The following UGT1A1 variants were observed in gnomAD, a reference collection of about 807,000 sequenced individuals.
UGT1A1 encodes the protein UDP glucuronosyltransferase family 1 member A1, also known as UDP-glucuronosyltransferase 1A1.
Under a neutral mutation model 40.6 loss-of-function variants are expected in UGT1A1, and 33 were observed. That is an observed-to-expected ratio of 0.81 (90% CI 0.62 to 1.09). UGT1A1 has a LOEUF of 1.09. UGT1A1 is among the 50% of genes least tolerant of loss of function. The pLI is 0.00. For missense variants in UGT1A1, 694 were observed against 671.2 expected, an observed-to-expected ratio of 1.03 and a Z score of -0.38; for synonymous variants, 249 against 265.0, an observed-to-expected ratio of 0.94 and a Z score of 0.59.
At chr2:233,767,621 CT>C (rs1156408939) in intron 2 of UGT1A1, among the ~76,000 whole-genome samples, 1 of 152,158 alleles carries the variant, frequency 6.6e-6, no homozygotes, top group Non-Finnish European at 1.5e-5. Context: ...AAGTGCACAG[CT>C]TGATAAATTA....
In UGT1A1 at chr2:233,772,897, C is replaced by T. The variant is rs1320013324; in HGVS notation, c.*338C>T. 6.1e-6 allele frequency: 3 copies of T among 493,984 alleles called. No homozygotes were observed. Among genetic ancestry groups the T allele is most frequent in the Non-Finnish European group, 9.8e-6 (3 of 304,676 alleles). The allele number at this position is 493,984 out of a possible 1,614,324, so 30.6% of individuals were successfully genotyped here. A position where few individuals can be genotyped will look rare whatever the true frequency, so the allele number is the denominator to read the frequency against. ...AGTGCGGGATTCAAAGGTGGTCCCA[C>T]GGCTGCCCCTACTGCAAATGGCAGT... On this transcript the variant is annotated 3_prime_UTR_variant, in exon 5 of 5. Coordinates refer to ENST00000305208, the MANE Select transcript of UGT1A1 (RefSeq NM_000463.3).
At chr2:233,761,180 C>T (rs374898247) in intron 1 of UGT1A1, 29 bp downstream of exon 1, 24 of 1,614,008 alleles carry the variant, frequency 1.5e-5, no homozygotes, top group Non-Finnish European at 1.8e-5. Flanking sequence ...CTTTTACATG[C>T]GTATATTCTT....
rs1697490823 is a variant in UGT1A1, at chr2:233,760,572, C to T, written c.285C>T (p.Leu95=). 7.4e-6 allele frequency: 12 copies of T among 1,614,062 alleles called. No individual in the cohort carries two copies. Among genetic ancestry groups the T allele is most frequent in the East Asian group, 2.2e-5 (1 of 44,900 alleles). The change falls in exon 1 of 5, where the codon CTC becomes CTT. Residue 95 remains leucine (L), a synonymous_variant. Transcript: ENST00000305208. ...REDVKESFVS[L]GHNVFENDSF... ...ATGTGAAAGAGTCTTTTGTTAGTCT[C>T]GGGCATAATGTTTTTGAGAATGATT... is the stretch of plus-strand genomic sequence containing the variant.
intron 2 of UGT1A1, 122 bp from the exon 3 acceptor site, chr2:233,767,727 T>A (rs28946890): frequency 6.4e-7 from 1 of 1,556,204 alleles, no homozygotes; most frequent in Non-Finnish European, 8.7e-7. Flanking sequence ...CAGTTACTGA[T>A]CCTCCCACTC....
In UGT1A1 at chr2:233,766,921, C is replaced by T. The variant is rs6708136; in HGVS notation, c.865-113C>T. 45,255 of 1,558,610 alleles carry T rather than the reference C, an allele frequency of 0.029. 712 individuals are homozygous for T. The highest frequency in any genetic ancestry group is 0.049 in the African/African-American group (3,601 of 72,856). Reference sequence around the variant, plus strand: ...ATAATTTTTTACTCTATCTCAAACACGCATGCCTTTAATCATAGTCTTAAG... The same window carrying T: ...ATAATTTTTTACTCTATCTCAAACATGCATGCCTTTAATCATAGTCTTAAG... On this transcript the variant is annotated intron_variant, in intron 1 of 4. Coordinates refer to ENST00000305208, the MANE Select transcript of UGT1A1 (RefSeq NM_000463.3).
In UGT1A1 at chr2:233,769,856, TCA is replaced by T; in HGVS notation, c.1304+1418_1304+1419del. 4.3e-5 allele frequency: 14 copies of T among 322,422 alleles called. No individual in the cohort carries two copies. Among genetic ancestry groups the T allele is most frequent in the Admixed American group, 5.6e-5 (1 of 17,838 alleles). The allele number at this position is 322,422 out of a possible 1,614,324, so 20.0% of individuals were successfully genotyped here. A position where few individuals can be genotyped will look rare whatever the true frequency, so the allele number is the denominator to read the frequency against. ...CTGGGCAACAGAGTGAGACCCTGTC[TCA>T]AAAAAAAAAAAAAAAATGAAAAGTC... On this transcript the variant is annotated intron_variant, in intron 4 of 4. Transcript: ENST00000305208. The surrounding 1 kb of genome is among the most constrained non-coding windows in gnomAD (Gnocchi z 4.4).
rs375082638 is a variant in UGT1A1 at position 233,764,736 on chromosome 2, G to A, written c.865-2298G>A. Among the ~76,000 whole-genome samples the A allele has an allele frequency of 2.0e-5, 3 of 152,156 alleles. 1 individual carries two copies. The East Asian group carries it at 5.8e-4, about 29-fold the overall frequency. On this transcript the variant is annotated intron_variant, in intron 1 of 4. Coordinates refer to ENST00000305208, the MANE Select transcript of UGT1A1 (RefSeq NM_000463.3). ...CCCAAGAAAGAGGGAGAGAAAGAGGGGAGAGATGTGGTGCAGACCCTAGGG... is the reference window on the plus strand; with the variant it reads ...CCCAAGAAAGAGGGAGAGAAAGAGGAGAGAGATGTGGTGCAGACCCTAGGG...
rs537688236 is a variant in UGT1A1, at chr2:233,769,340, T to C, written c.1304+901T>C. On this transcript the variant is annotated intron_variant, in intron 4 of 4. Coordinates refer to ENST00000305208, the MANE Select transcript of UGT1A1 (RefSeq NM_000463.3). The surrounding 1 kb of genome is among the most constrained non-coding windows in gnomAD (Gnocchi z 4.4). The stretch of plus-strand genomic sequence containing the variant: ...CACTGGTAATAGGCTTATTAGAACC[T>C]TATGGGAAGAAGTGGTGGCCAGTGG... Among the ~76,000 whole-genome samples, 3 of 152,228 alleles carry C rather than the reference T, an allele frequency of 2.0e-5. No individual in the cohort carries two copies. The South Asian group carries it at 6.2e-4, about 32-fold the overall frequency.
chr2:233,762,200 T>G (rs1698000508), intron 1 of UGT1A1, among the ~76,000 whole-genome samples: 1 of 152,188 alleles, frequency 6.6e-6, no homozygotes, highest in African/African-American at 2.4e-5. Flanking sequence ...TGGGTCTGCA[T>G]GTATTTGGCG....
intron 4 of UGT1A1, chr2:233,771,117 G>A (rs1700240855): frequency 6.6e-6 from 1 of 152,076 alleles, no homozygotes; most frequent in Admixed American, 6.6e-5. Context: ...AAGCACAAGG[G>A]ATCCGACCCC....
intron 1 of UGT1A1, among the ~76,000 whole-genome samples, chr2:233,762,572 C>A (rs947472049): frequency 6.6e-6 from 1 of 152,114 alleles, no homozygotes; most frequent in Non-Finnish European, 1.5e-5. Flanking sequence ...GTCTAGTTCC[C>A]CACAGAGGAA....
rs1699804309 is a variant in UGT1A1, at chr2:233,769,169, A to G, written c.1304+730A>G. Among the ~76,000 whole-genome samples, 1 of 152,236 alleles carries G rather than the reference A, an allele frequency of 6.6e-6. No individual in the cohort carries two copies. The highest frequency in any genetic ancestry group is 2.1e-4 in the South Asian group (1 of 4,828). On this transcript the variant is annotated intron_variant, in intron 4 of 4. Coordinates refer to ENST00000305208, the MANE Select transcript of UGT1A1 (RefSeq NM_000463.3). The surrounding 1 kb of genome is among the most constrained non-coding windows in gnomAD (Gnocchi z 4.4). ...CTGGAACCTGTGAGAAATTTTGTCC[A>G]TGGAGTTTATGAATGAAGGAGCTAT...
chr2:233,762,332 G>A (rs1219389656), intron 1 of UGT1A1, among the ~76,000 whole-genome samples: 1 of 152,156 alleles, frequency 6.6e-6, no homozygotes, highest in Non-Finnish European at 1.5e-5. Flanking sequence ...ATCCACAATA[G>A]CTCTTTTTAG....
chr2:233,760,612 G>C lies in UGT1A1; in HGVS notation c.325G>C (p.Val109Leu). 6.2e-7 allele frequency: 1 copy of C among 1,614,218 alleles called. No homozygotes were observed. Among genetic ancestry groups the C allele is most frequent in the South Asian group, 1.1e-5 (1 of 91,084 alleles). Reference protein sequence around the residue: ...VFENDSFLQRVIKTYKKIKKD... With the variant: ...VFENDSFLQRLIKTYKKIKKD... ...TGAGAATGATTCTTTCCTGCAGCGT[G>C]TGATCAAAACATACAAGAAAATAAA... Residue 109 changes from valine to leucine, a missense_variant, in exon 1 of 5, where the codon GTG becomes CTG. Transcript: ENST00000305208.
At chr2:233,767,618 CA>C (rs1300150978) in intron 2 of UGT1A1, among the ~76,000 whole-genome samples, 2 of 152,178 alleles carry the variant, frequency 1.3e-5, no homozygotes, top group Non-Finnish European at 2.9e-5. Flanking sequence ...CCTAAGTGCA[CA>C]GCTTGATAAA....
In UGT1A1 at chr2:233,761,029, T is replaced by C. The variant is rs769198771; in HGVS notation, c.742T>C (p.Leu248=). The change falls in exon 1 of 5, where the codon TTG becomes CTG. Residue 248 remains leucine (L), a synonymous_variant. Transcript: ENST00000305208. ...LQREVTVQDL[L]SSASVWLFRS... Reference sequence around the variant, plus strand: ...GAGAGAGGTGACTGTCCAGGACCTATTGAGCTCTGCATCTGTCTGGCTGTT... The same window carrying C: ...GAGAGAGGTGACTGTCCAGGACCTACTGAGCTCTGCATCTGTCTGGCTGTT... 2 of 1,614,178 alleles carry C rather than the reference T, an allele frequency of 1.2e-6. No homozygotes were observed. Among genetic ancestry groups the C allele is most frequent in the East Asian group, 2.2e-5 (1 of 44,880 alleles).
Position 233,767,860 on chromosome 2 carries a change from G to C in UGT1A1, c.1008G>C (p.Arg336=). ...LGKIPQTVLW[R]YTGTRPSNLA... is the part of the protein sequence containing the mutation. ...TTTGCCCCTCCCAGGTCCTGTGGCGGTACACTGGAACCCGACCATCGAATC... is the reference window on the plus strand; with the variant it reads ...TTTGCCCCTCCCAGGTCCTGTGGCGCTACACTGGAACCCGACCATCGAATC... Residue 336 remains arginine (R), a synonymous_variant, in exon 3 of 5, where the codon CGG becomes CGC. Coordinates refer to ENST00000305208, the MANE Select transcript of UGT1A1 (RefSeq NM_000463.3). The C allele has an allele frequency of 1.2e-6, 2 of 1,614,120 alleles. No individual in the cohort carries two copies. The highest frequency in any genetic ancestry group is 1.7e-6 in the Non-Finnish European group (2 of 1,180,048).
intron 1 of UGT1A1, among the ~76,000 whole-genome samples, chr2:233,761,822 T>C (rs1451181524): frequency 6.6e-6 from 1 of 152,180 alleles, no homozygotes; most frequent in Non-Finnish European, 1.5e-5. Context: ...AGAGGCTCCT[T>C]CAGATGGAGC....
At chr2:233,765,135 A>G (rs1248346894) in intron 1 of UGT1A1, among the ~76,000 whole-genome samples, 1 of 152,126 alleles carries the variant, frequency 6.6e-6, no homozygotes, top group Non-Finnish European at 1.5e-5. Flanking sequence ...TTAGCACTGA[A>G]CATCACATGT....
Sources: gnomAD v4.1 joint callset for allele counts (sites outside exome capture counted in the v4.1 genomes callset) on GRCh38, gnomAD v4.1.1 for gene constraint, Gnocchi (gnomAD v3.1) non-coding constraint, MANE v1.5 for transcripts, NCBI Gene and HGNC (gene_info 2026-07-23, HGNC 2026-07-21) for gene names.